The following RTL10 variants were observed in gnomAD, a reference collection of about 807,000 sequenced individuals.
RTL10 encodes the protein retrotransposon Gag like 10.
For missense variants in RTL10, 477 were observed against 470.7 expected (o/e 1.01, Z -0.12); for synonymous variants, 199 against 188.4 (o/e 1.06, Z -0.46).
In RTL10 at chr22:19,848,981, G is replaced by A; in HGVS notation, c.*2186C>T. ...ACCCACAGGTGAGCCAGGCCACAGT[G>A]CACTGGAGGTAGGCATCAGGGAGCA... On this transcript the variant is annotated 3_prime_UTR_variant, in exon 3 of 3. Coordinates refer to ENST00000328554, the MANE Select transcript of RTL10 (RefSeq NM_024627.6). The A allele has an allele frequency of 1.0e-6, 1 of 985,616 alleles. No individual in the cohort carries two copies. The highest frequency in any genetic ancestry group is 1.2e-6 in the Non-Finnish European group (1 of 830,084). The allele number at this position is 985,616 out of a possible 1,614,324, so 61.1% of individuals were successfully genotyped here.
Position 19,849,523 on chromosome 22 carries a change from C to G in RTL10, c.*1644G>C, listed in dbSNP as rs894619144. 6.5e-6 allele frequency: 2 copies of G among 305,488 alleles called. No individual in the cohort carries two copies. The highest frequency in any genetic ancestry group is 1.3e-4 in the Admixed American group (2 of 15,450). The allele number at this position is 305,488 out of a possible 1,614,324, so 18.9% of individuals were successfully genotyped here. On this transcript the variant is annotated 3_prime_UTR_variant, in exon 3 of 3. Transcript: ENST00000328554. ...AGCTGAGATTACAGGCATGCACCACCACACTTGGCTAATTTTGTATTTTTA... is the reference window on the plus strand; with the variant it reads ...AGCTGAGATTACAGGCATGCACCACGACACTTGGCTAATTTTGTATTTTTA...
Position 19,846,617 on chromosome 22 carries a change from C to T in RTL10, c.*4550G>A. 1 of 926,730 alleles carries T rather than the reference C, an allele frequency of 1.1e-6. No individual in the cohort carries two copies. The highest frequency in any genetic ancestry group is 1.3e-6 in the Non-Finnish European group (1 of 776,246). 57.4% of individuals were successfully genotyped at this position (926,730 alleles called of 1,614,324 possible). On this transcript the variant is annotated 3_prime_UTR_variant, in exon 3 of 3. Coordinates refer to ENST00000328554, the MANE Select transcript of RTL10 (RefSeq NM_024627.6). ...CCTTCAATATTTTTATGTTCAAGTC[C>T]TAACCCCTAGTACTTACATTTGAAG...
Position 19,849,818 on chromosome 22 carries a change from A to T in RTL10, c.*1349T>A. On this transcript the variant is annotated 3_prime_UTR_variant, in exon 3 of 3. Coordinates refer to ENST00000328554, the MANE Select transcript of RTL10 (RefSeq NM_024627.6). ...CAATTGTAAACCTGAAAGGGACTTG[A>T]ACTTCTTGTCCAAGCACCAGAGTGG... 11 of 985,402 alleles carry T rather than the reference A, an allele frequency of 1.1e-5. No individual in the cohort carries two copies. The highest frequency in any genetic ancestry group is 1.3e-5 in the Non-Finnish European group (11 of 829,928). 61.0% of individuals were successfully genotyped at this position (985,402 alleles called of 1,614,324 possible).
Position 19,852,329 on chromosome 22 carries a change from G to T in RTL10, c.-68C>A. ...GGTGGTGGGGGTGTGGACAGATGTG[G>T]CTTGCACGACACAACAGGACAGGGA... On this transcript the variant is annotated 5_prime_UTR_variant, in exon 3 of 3. Coordinates refer to ENST00000328554, the MANE Select transcript of RTL10 (RefSeq NM_024627.6). 7 of 1,512,380 alleles carry T rather than the reference G, an allele frequency of 4.6e-6. 1 individual carries two copies. Among genetic ancestry groups the T allele is most frequent in the South Asian group, 2.5e-5 (2 of 79,286 alleles). The allele number at this position is 1,512,380 out of a possible 1,614,324, so 93.7% of individuals were successfully genotyped here. A position where few individuals can be genotyped will look rare whatever the true frequency, so the allele number is the denominator to read the frequency against.
chr22:19,846,863 G>A lies in RTL10; in HGVS notation c.*4304C>T. 1 of 918,880 alleles carries A rather than the reference G, an allele frequency of 1.1e-6. No individual in the cohort carries two copies. Among genetic ancestry groups the A allele is most frequent in the Non-Finnish European group, 1.3e-6 (1 of 769,132 alleles). The allele number at this position is 918,880 out of a possible 1,614,324, so 56.9% of individuals were successfully genotyped here. A position where few individuals can be genotyped will look rare whatever the true frequency, so the allele number is the denominator to read the frequency against. On this transcript the variant is annotated 3_prime_UTR_variant, in exon 3 of 3. Coordinates refer to ENST00000328554, the MANE Select transcript of RTL10 (RefSeq NM_024627.6). ...GCTCCAGAATCATGAGGAAATGTCT[G>A]TTGTTTAAGTCCCCTAGCCTGCGGT... is the stretch of plus-strand genomic sequence containing the variant.
Position 19,847,623 on chromosome 22 carries a change from T to C in RTL10, c.*3544A>G. 2.0e-6 allele frequency: 2 copies of C among 985,184 alleles called. No individual in the cohort carries two copies. The highest frequency in any genetic ancestry group is 2.4e-6 in the Non-Finnish European group (2 of 829,854). 61.0% of individuals were successfully genotyped at this position (985,184 alleles called of 1,614,324 possible). On this transcript the variant is annotated 3_prime_UTR_variant, in exon 3 of 3. Transcript: ENST00000328554. ...ACCCCCATGTAGTGGTACCGAACCA[T>C]GACCACCCCTGGCAAGAGCCTTCAT...
Position 19,852,248 on chromosome 22 carries a change from C to T in RTL10, c.14G>A (p.Arg5Gln), listed in dbSNP as rs747925044. Reference protein sequence around the residue: MPRGRCRQQGPRIPI... With the variant: MPRGQCRQQGPRIPI... ...AATGCGAGGGCCCTGCTGACGGCAC[C>T]GGCCACGAGGCATGCTGGGAGCACA... The change falls in exon 3 of 3, where the codon CGG becomes CAG. Residue 5 changes from arginine (R) to glutamine (Q), a missense_variant. Transcript: ENST00000328554. 52 of 1,605,652 alleles carry T rather than the reference C, an allele frequency of 3.2e-5. No homozygotes were observed. Among genetic ancestry groups the T allele is most frequent in the South Asian group, 2.1e-4 (19 of 89,862 alleles).
At position 19,849,350 on chromosome 22, in the gene RTL10, A is replaced by G. The variant is rs1172451212; in HGVS notation, c.*1817T>C. 2 of 959,728 alleles carry G rather than the reference A, an allele frequency of 2.1e-6. No homozygotes were observed. Among genetic ancestry groups the G allele is most frequent in the Non-Finnish European group, 2.5e-6 (2 of 807,170 alleles). 59.5% of individuals were successfully genotyped at this position (959,728 alleles called of 1,614,324 possible). ...AATCCCAACAATTTATATTTTTCTAAATAAGGTTTTTGTTTTTTGTTGTTT... is the reference window on the plus strand; with the variant it reads ...AATCCCAACAATTTATATTTTTCTAGATAAGGTTTTTGTTTTTTGTTGTTT... On this transcript the variant is annotated 3_prime_UTR_variant, in exon 3 of 3. Transcript: ENST00000328554.
Position 19,850,357 on chromosome 22 carries a change from A to G in RTL10, c.*810T>C. On this transcript the variant is annotated 3_prime_UTR_variant, in exon 3 of 3. Transcript: ENST00000328554. ...GGAGGGAGATCCAAGTCATTTACAC[A>G]CTAGGGCTTAAGTGCTGAATCCGCA... The G allele has an allele frequency of 1.0e-6, 1 of 986,256 alleles. No individual in the cohort carries two copies. The highest frequency in any genetic ancestry group is 1.2e-6 in the Non-Finnish European group (1 of 830,500). 61.1% of individuals were successfully genotyped at this position (986,256 alleles called of 1,614,324 possible). A position where few individuals can be genotyped will look rare whatever the true frequency, so the allele number is the denominator to read the frequency against.
chr22:19,849,817 G>C lies in RTL10; in HGVS notation c.*1350C>G. ...ACAATTGTAAACCTGAAAGGGACTT[G>C]AACTTCTTGTCCAAGCACCAGAGTG... is the stretch of plus-strand genomic sequence containing the variant. On this transcript the variant is annotated 3_prime_UTR_variant, in exon 3 of 3. Transcript: ENST00000328554. 8.1e-6 allele frequency: 8 copies of C among 985,432 alleles called. No individual in the cohort carries two copies. The highest frequency in any genetic ancestry group is 9.6e-6 in the Non-Finnish European group (8 of 829,928). The allele number at this position is 985,432 out of a possible 1,614,324, so 61.0% of individuals were successfully genotyped here. A position where few individuals can be genotyped will look rare whatever the true frequency, so the allele number is the denominator to read the frequency against.
chr22:19,850,817 T>G lies in RTL10; in HGVS notation c.*350A>C. 2 of 1,286,258 alleles carry G rather than the reference T, an allele frequency of 1.6e-6. No individual in the cohort carries two copies. Among genetic ancestry groups the G allele is most frequent in the Non-Finnish European group, 9.8e-7 (1 of 1,020,582 alleles). 79.7% of individuals were successfully genotyped at this position (1,286,258 alleles called of 1,614,324 possible). ...GTGTGGAAGACACCAAGGGGGGTGT[T>G]TTATGGGGGTGGAGGTGACAAAGAT... is the stretch of plus-strand genomic sequence containing the variant. On this transcript the variant is annotated 3_prime_UTR_variant, in exon 3 of 3. Coordinates refer to ENST00000328554, the MANE Select transcript of RTL10 (RefSeq NM_024627.6).
chr22:19,852,568 G>A (rs1352214991), intron 2 of RTL10, 82 bp from the exon 3 acceptor site: 2 of 352,540 alleles, frequency 5.7e-6, no homozygotes, highest in Non-Finnish European at 1.0e-5. Context: ...CTACAAGCGG[G>A]CAACCCTCTG....
In RTL10 at chr22:19,851,662, G is replaced by A; in HGVS notation, c.600C>T (p.Ser200=). Residue 200 remains serine, a synonymous_variant, in exon 3 of 3, where the codon TCC becomes TCT. Coordinates refer to ENST00000328554, the MANE Select transcript of RTL10 (RefSeq NM_024627.6). Reference sequence around the variant, plus strand: ...GCTGAGGGGCCACTGGCAGCTGGCTGGAGGCCAGGGGCAGGGGACAGGTAA... The same window carrying A: ...GCTGAGGGGCCACTGGCAGCTGGCTAGAGGCCAGGGGCAGGGGACAGGTAA... The part of the protein sequence containing the change: ...AVVTCPLPLA[S]SQLPVAPQLP... The A allele has an allele frequency of 6.3e-7, 1 of 1,594,664 alleles. No homozygotes were observed. Among genetic ancestry groups the A allele is most frequent in the Non-Finnish European group, 8.6e-7 (1 of 1,168,490 alleles).
chr22:19,851,628 C>G lies in RTL10; in HGVS notation c.634G>C (p.Val212Leu). The G allele has an allele frequency of 6.3e-7, 1 of 1,594,328 alleles. No individual in the cohort carries two copies. Among genetic ancestry groups the G allele is most frequent in the Non-Finnish European group, 8.6e-7 (1 of 1,168,424 alleles). The change falls in exon 3 of 3, where the codon GTG becomes CTG. Residue 212 changes from valine (V) to leucine (L), a missense_variant. By Grantham distance (32) the Val-to-Leu change is conservative (BLOSUM62 1). Transcript: ENST00000328554. ...QLPVAPQLPV[V>L]RQYLARFLEG... ...AAGAACCTAGCTAAGTATTGCCTCA[C>G]CACAGGCAGCTGAGGGGCCACTGGC...
Position 19,851,209 on chromosome 22 carries a change from G to T in RTL10, c.1053C>A (p.Ala351=). ...GTGGTGGCTCTCCTGGGGTCTCCGGGGCCTCCACCACCTCCTGTGGGGTAC... is the reference window on the plus strand; with the variant it reads ...GTGGTGGCTCTCCTGGGGTCTCCGGTGCCTCCACCACCTCCTGTGGGGTAC... ...SLGTPQEVVE[A]PETPGEPPLS... The change falls in exon 3 of 3, where the codon GCC becomes GCA. Residue 351 remains alanine, a synonymous_variant. Transcript: ENST00000328554. 1 of 1,595,216 alleles carries T rather than the reference G, an allele frequency of 6.3e-7. No homozygotes were observed. The highest frequency in any genetic ancestry group is 8.5e-7 in the Non-Finnish European group (1 of 1,170,226).
In RTL10 at chr22:19,848,817, C is replaced by T; in HGVS notation, c.*2350G>A. On this transcript the variant is annotated 3_prime_UTR_variant, in exon 3 of 3. Transcript: ENST00000328554. The stretch of plus-strand genomic sequence containing the variant: ...GGGTTCAAAAGAGAAGGCAGCAATC[C>T]CAGGCTGGAGTATCCACTTCAGGTC... 1 of 985,384 alleles carries T rather than the reference C, an allele frequency of 1.0e-6. No individual in the cohort carries two copies. The highest frequency in any genetic ancestry group is 1.2e-6 in the Non-Finnish European group (1 of 829,904). The allele number at this position is 985,384 out of a possible 1,614,324, so 61.0% of individuals were successfully genotyped here. A position where few individuals can be genotyped will look rare whatever the true frequency, so the allele number is the denominator to read the frequency against.
chr22:19,847,654 T>C lies in RTL10; in HGVS notation c.*3513A>G, dbSNP rs975749735. 3.0e-6 allele frequency: 3 copies of C among 984,914 alleles called. No homozygotes were observed. The African/African-American group carries it at 5.2e-5, about 17-fold the overall frequency. The allele number at this position is 984,914 out of a possible 1,614,324, so 61.0% of individuals were successfully genotyped here. ...CCCCTGGCAAGAGCCTTCATGCACC[T>C]AGCAAGTAGTCACAGCATGCATGTG... On this transcript the variant is annotated 3_prime_UTR_variant, in exon 3 of 3. Coordinates refer to ENST00000328554, the MANE Select transcript of RTL10 (RefSeq NM_024627.6).
intron 2 of RTL10, among the ~76,000 whole-genome samples, 164 bp from the exon 3 acceptor site, chr22:19,852,650 T>C (rs1938136743): frequency 6.6e-6 from 1 of 152,162 alleles, no homozygotes; most frequent in Admixed American, 6.5e-5. Context: ...GGTGGGCAAA[T>C]GCTGCCTATG....
At position 19,848,428 on chromosome 22, in the gene RTL10, C is replaced by T. The variant is rs937894927; in HGVS notation, c.*2739G>A. 10 of 985,322 alleles carry T rather than the reference C, an allele frequency of 1.0e-5. No individual in the cohort carries two copies. Among genetic ancestry groups the T allele is most frequent in the African/African-American group, 5.2e-5 (3 of 57,234 alleles). The allele number at this position is 985,322 out of a possible 1,614,324, so 61.0% of individuals were successfully genotyped here. A position where few individuals can be genotyped will look rare whatever the true frequency, so the allele number is the denominator to read the frequency against. On this transcript the variant is annotated 3_prime_UTR_variant, in exon 3 of 3. Transcript: ENST00000328554. ...TCCCCCAGCAGGAAAGCAGCTTGGT[C>T]ATCATCTGTCTGAAAGCAGGTGCTG...
Sources: gnomAD v4.1 joint callset for allele counts (sites outside exome capture counted in the v4.1 genomes callset) on GRCh38, gnomAD v4.1.1 for gene constraint, MANE v1.5 for transcripts, NCBI Gene and HGNC (gene_info 2026-07-23, HGNC 2026-07-21) for gene names.